The following KIAA1217 variants were observed in gnomAD, a reference collection of about 807,000 sequenced individuals.
The protein encoded by KIAA1217 is sickle tail protein homolog.
A neutral mutation model predicts 163.9 loss-of-function variants in KIAA1217; 88 were observed. The observed-to-expected ratio is 0.54, with a 90% CI of 0.45 to 0.64. KIAA1217 has a LOEUF of 0.64. Ranked by LOEUF, KIAA1217 falls within the 30% of genes least tolerant of loss-of-function variation. The pLI, the probability that KIAA1217 is intolerant of heterozygous loss-of-function variation, is 0.00. For missense variants in KIAA1217, 2,372 were observed against 2,475.0 expected (o/e 0.96, Z 0.88); for synonymous variants, 903 against 923.1 (o/e 0.98, Z 0.39).
chr10:24,396,328 C>T (rs1420791084), intron 3 of KIAA1217, among the ~76,000 whole-genome samples: 1 of 151,920 alleles, frequency 6.6e-6, no homozygotes, highest in East Asian at 1.9e-4. Flanking sequence ...CAGAGTGAGA[C>T]TCTGTCTCAA....
chr10:23,920,979 T>G (rs893395642), intron 1 of KIAA1217, among the ~76,000 whole-genome samples: 2 of 152,190 alleles, frequency 1.3e-5, no homozygotes, highest in African/African-American at 2.4e-5. Context: ...AGAAGTGCCT[T>G]TGTTCCTCCT....
At chr10:23,788,536 C>T (rs1325788559) in intron 1 of KIAA1217, among the ~76,000 whole-genome samples, 2 of 152,170 alleles carry the variant, frequency 1.3e-5, no homozygotes, top group African/African-American at 2.4e-5. Context: ...GTGAAGTGCC[C>T]ACTGTGACAT....
At chr10:23,909,120 T>A (rs1214548638) in intron 1 of KIAA1217, among the ~76,000 whole-genome samples, 1 of 152,142 alleles carries the variant, frequency 6.6e-6, no homozygotes, top group Non-Finnish European at 1.5e-5. Flanking sequence ...CAAAACATCA[T>A]ACGTTCTCAC....
At chr10:24,460,705 T>A (rs2062311779) in intron 5 of KIAA1217, among the ~76,000 whole-genome samples, 1 of 152,188 alleles carries the variant, frequency 6.6e-6, no homozygotes, top group South Asian at 2.1e-4. Flanking sequence ...TTATGCTGTA[T>A]GTTTTTTCTT....
Position 24,276,358 on chromosome 10 carries a change from A to C in KIAA1217, c.354+56449A>C, listed in dbSNP as rs17505725. Among the ~76,000 whole-genome samples the C allele has an allele frequency of 2.0e-3, 301 of 152,170 alleles. 2 individuals are homozygous for C. Among genetic ancestry groups the C allele is most frequent in the African/African-American group, 7.0e-3 (291 of 41,532 alleles). ...AAAAGACAAAATGACTTAGAATTCC[A>C]TCTCGTTCTGCCCGGTTTGAGGGCA... On this transcript the variant is annotated intron_variant, in intron 2 of 20. Transcript: ENST00000376454.
chr10:24,384,960 AC>A (rs1564585596), intron 3 of KIAA1217, among the ~76,000 whole-genome samples: 1 of 152,096 alleles, frequency 6.6e-6, no homozygotes, highest in Non-Finnish European at 1.5e-5. Flanking sequence ...CCCTCATGTA[AC>A]CCCAGGAGCA....
intron 1 of KIAA1217, among the ~76,000 whole-genome samples, chr10:23,941,308 T>G (rs1326539076): frequency 6.6e-6 from 1 of 152,186 alleles, no homozygotes; most frequent in Non-Finnish European, 1.5e-5. Flanking sequence ...TCACGAATGG[T>G]GACGTAGATT....
intron 1 of KIAA1217, among the ~76,000 whole-genome samples, chr10:23,850,309 T>G (rs1207584008): frequency 6.6e-6 from 1 of 152,138 alleles, no homozygotes; most frequent in Non-Finnish European, 1.5e-5. Flanking sequence ...TGCTACCAGC[T>G]CCTCACTTTC....
chr10:24,141,685 C>T (rs1164361271), intron 2 of KIAA1217, among the ~76,000 whole-genome samples: 7 of 152,078 alleles, frequency 4.6e-5, no homozygotes, highest in African/African-American at 9.7e-5. Context: ...ACAGGACAGA[C>T]GCAAACAGCA....
chr10:24,345,631 G>C (rs1324858478), intron 2 of KIAA1217, among the ~76,000 whole-genome samples: 1 of 152,134 alleles, frequency 6.6e-6, no homozygotes, highest in East Asian at 1.9e-4. Context: ...AATTGCCTCT[G>C]CAACACAAAT....
At position 23,810,385 on chromosome 10, in the gene KIAA1217, CTA is replaced by C. The variant is rs200168618; in HGVS notation, c.-321+115162_-321+115163del. 4.5e-3 allele frequency among the ~76,000 whole-genome samples: 642 copies of C among 143,410 alleles called. 9 individuals are homozygous for C. The highest frequency in any genetic ancestry group is 0.01 in the African/African-American group (399 of 39,200). The allele number at this position is 143,410 out of a possible 152,430, so 94.1% of individuals were successfully genotyped here. A position where few individuals can be genotyped will look rare whatever the true frequency, so the allele number is the denominator to read the frequency against. ...TATAGTATATATTCTAGTCCATATA[CTA>C]TATATATATACTCTCTCTATAATAT... On this transcript the variant is annotated intron_variant, in intron 1 of 18. Coordinates refer to the KIAA1217 transcript ENST00000376462.
At chr10:24,368,828 T>C in intron 2 of KIAA1217, 1 of 983,824 alleles carries the variant, frequency 1.0e-6, no homozygotes, top group Non-Finnish European at 1.2e-6. Context: ...CTACTGAGAG[T>C]AACACCAGCT....
chr10:24,263,286 G>A (rs1256946033), intron 2 of KIAA1217, among the ~76,000 whole-genome samples: 1 of 152,180 alleles, frequency 6.6e-6, no homozygotes, highest in African/African-American at 2.4e-5. Context: ...TAAGGGAAGC[G>A]TCTGCATGGA....
intron 1 of KIAA1217, among the ~76,000 whole-genome samples, chr10:23,996,755 T>C (rs1396863683): frequency 3.3e-5 from 5 of 152,152 alleles, no homozygotes; most frequent in Admixed American, 2.6e-4. Context: ...AAAAATGAAC[T>C]TTAACTTTGA....
intron 2 of KIAA1217, among the ~76,000 whole-genome samples, chr10:24,232,378 A>G (rs1350566739): frequency 6.6e-6 from 1 of 152,202 alleles, no homozygotes. Context: ...CATTTTAATT[A>G]GTGACATGGA....
chr10:24,227,141 G>C (rs1046449314), intron 2 of KIAA1217, among the ~76,000 whole-genome samples: 13 of 73,718 alleles, frequency 1.8e-4, no homozygotes, highest in Non-Finnish European at 3.2e-4. Context: ...GAGATATAAA[G>C]GGATTATTAT....
In KIAA1217 at chr10:24,473,445, C is replaced by G; in HGVS notation, c.1064C>G (p.Pro355Arg). 1 of 1,614,136 alleles carries G rather than the reference C, an allele frequency of 6.2e-7. No individual in the cohort carries two copies. Among genetic ancestry groups the G allele is most frequent in the South Asian group, 1.1e-5 (1 of 91,074 alleles). Residue 355 changes from proline (P) to arginine (R), a missense_variant, in exon 6 of 21, where the codon CCA becomes CGA. Pro to Arg is a moderately radical substitution (Grantham distance 103). Transcript: ENST00000376454. ...CCCAGGGACAGAATCTCCAGCCTGC[C>G]AGTCTCCAGACCCATCTCTCCAAGC... is the stretch of plus-strand genomic sequence containing the variant. The part of the protein sequence containing the change: ...TIPRDRISSL[P>R]VSRPISPSPS...
At chr10:24,245,477 A>T (rs2073681952) in intron 2 of KIAA1217, among the ~76,000 whole-genome samples, 1 of 152,162 alleles carries the variant, frequency 6.6e-6, no homozygotes, top group African/African-American at 2.4e-5. Flanking sequence ...CTCAGAAGCA[A>T]ATGGGCTGCA....
At position 24,211,541 on chromosome 10, in the gene KIAA1217, TATTGTATTGTATTGTATTGTATTGTATTG is replaced by T. The variant is rs2068097026; in HGVS notation, c.70+2279_70+2307del. On this transcript the variant is annotated intron_variant, in intron 1 of 20. Coordinates refer to ENST00000376454, the MANE Select transcript of KIAA1217 (RefSeq NM_019590.5). ...CATGCCACCATGCATGGTTGTATTGTATTGTATTGTATTGTATTGTATTGTATTGTATTGTATTGTATTGTATTGTATTT... is the reference window on the plus strand; with the variant it reads ...CATGCCACCATGCATGGTTGTATTGTTATTGTATTGTATTGTATTGTATTT... 3.5e-4 allele frequency among the ~76,000 whole-genome samples: 34 copies of T among 97,294 alleles called. 2 individuals carry two copies. Among genetic ancestry groups the T allele is most frequent in the South Asian group, 1.3e-3 (3 of 2,288 alleles). 63.8% of individuals were successfully genotyped at this position (97,294 alleles called of 152,430 possible).
Sources: gnomAD v4.1 joint callset for allele counts (sites outside exome capture counted in the v4.1 genomes callset) on GRCh38, gnomAD v4.1.1 for gene constraint, MANE v1.5 for transcripts, NCBI Gene and HGNC (gene_info 2026-07-23, HGNC 2026-07-21) for gene names.